Variants in INVS observed in about 807,000 individuals in gnomAD.
INVS encodes the protein inversion of embryo turning homolog.
A neutral mutation model predicts 108.8 loss-of-function variants in INVS; 86 were observed. That is an observed-to-expected ratio of 0.79 (90% CI 0.66 to 0.95). The LOEUF (loss-of-function observed/expected upper bound fraction) is 0.95. Ranked by LOEUF, INVS falls within the 40% of genes least tolerant of loss-of-function variation. The pLI, the probability that INVS is intolerant of heterozygous loss-of-function variation, is 0.00. For synonymous variants in INVS, 455 were observed against 473.5 expected (o/e 0.96, Z 0.51); for missense variants, 1,169 against 1,297.4 (o/e 0.90, Z 1.52).
chr9:100,184,352 G>T lies in INVS; in HGVS notation c.274-41710G>T, dbSNP rs2119083091. ...GTAGTTGTATAAGAGAGAAGTATATGTTGCATGTAACAGAGAGTATATGTT... is the reference window on the plus strand; with the variant it reads ...GTAGTTGTATAAGAGAGAAGTATATTTTGCATGTAACAGAGAGTATATGTT... On this transcript the variant is annotated intron_variant, in intron 3 of 16. Transcript: ENST00000262457. 2.0e-5 allele frequency among the ~76,000 whole-genome samples: 3 copies of T among 152,256 alleles called. No homozygotes were observed. The South Asian group carries it at 6.2e-4, about 32-fold the overall frequency.
intron 3 of INVS, among the ~76,000 whole-genome samples, chr9:100,149,783 T>C (rs895858062): frequency 3.3e-5 from 5 of 152,212 alleles, no homozygotes; most frequent in Non-Finnish European, 7.4e-5. Flanking sequence ...TTCTATCATG[T>C]TTCTAGTATG....
At chr9:100,293,105 T>C (rs1833679340) in intron 14 of INVS, 62 bp downstream of exon 14, 2 of 1,479,226 alleles carry the variant, frequency 1.4e-6, no homozygotes, top group South Asian at 1.1e-5. Context: ...CAACATGACA[T>C]CTGTGCTCTT....
intron 3 of INVS, among the ~76,000 whole-genome samples, chr9:100,146,901 A>G (rs770235723): frequency 4.6e-5 from 7 of 152,218 alleles, no homozygotes; most frequent in East Asian, 1.9e-4. Context: ...GTAGGTGTAC[A>G]TATACTTGTT....
chr9:100,149,631 A>G (rs1828745461), intron 3 of INVS, among the ~76,000 whole-genome samples: 1 of 152,200 alleles, frequency 6.6e-6, no homozygotes, highest in African/African-American at 2.4e-5. Context: ...TAGTATTCCA[A>G]TCAAAACGAG....
intron 8 of INVS, among the ~76,000 whole-genome samples, chr9:100,251,841 C>G (rs914603873): frequency 6.6e-6 from 1 of 152,182 alleles, no homozygotes; most frequent in Admixed American, 6.5e-5. Context: ...ATGGAAGGAA[C>G]AGTAGATTGA....
intron 3 of INVS, among the ~76,000 whole-genome samples, chr9:100,127,437 CTT>C (rs917656414): frequency 1.3e-5 from 2 of 152,048 alleles, no homozygotes; most frequent in African/African-American, 4.8e-5. Context: ...TAGTTAAAGA[CTT>C]ATTCACCTAA....
chr9:100,128,475 A>G (rs1421185654), intron 3 of INVS, among the ~76,000 whole-genome samples: 1 of 152,188 alleles, frequency 6.6e-6, no homozygotes, highest in Non-Finnish European at 1.5e-5. Context: ...CCTGTGTCCA[A>G]TTAAATCTGG....
At chr9:100,145,487 G>A (rs532166599) in intron 3 of INVS, among the ~76,000 whole-genome samples, 33 of 151,960 alleles carry the variant, frequency 2.2e-4, no homozygotes, top group Middle Eastern at 6.8e-3. Context: ...ATAAGAGGTT[G>A]GGGCATGGAA....
chr9:100,297,186 C>T (rs747053402), intron 15 of INVS, 40 bp downstream of exon 15: 68 of 1,456,802 alleles, frequency 4.7e-5, no homozygotes, highest in Middle Eastern at 1.7e-4. Flanking sequence ...CACAAGTACC[C>T]CCAGAGTACC....
chr9:100,205,222 C>G (rs1013242021), intron 3 of INVS, among the ~76,000 whole-genome samples: 1 of 152,086 alleles, frequency 6.6e-6, no homozygotes, highest in African/African-American at 2.4e-5. Context: ...TCTCAACTGC[C>G]TTTGTAAACA....
At chr9:100,282,102 T>C (rs1009216902) in intron 12 of INVS, among the ~76,000 whole-genome samples, 6 of 152,196 alleles carry the variant, frequency 3.9e-5, no homozygotes, top group Non-Finnish European at 7.3e-5. Context: ...GCCCTGCTCA[T>C]CGGTGCTGAT....
At chr9:100,107,364 A>G (rs531376987) in intron 2 of INVS, among the ~76,000 whole-genome samples, 2 of 152,280 alleles carry the variant, frequency 1.3e-5, no homozygotes, top group Admixed American at 1.3e-4. Flanking sequence ...TTCCATGTTC[A>G]CTTGAACTAA....
intron 3 of INVS, among the ~76,000 whole-genome samples, chr9:100,198,489 C>A (rs1244612998): frequency 4.6e-5 from 7 of 150,938 alleles, no homozygotes; most frequent in African/African-American, 1.7e-4. Context: ...CGGGGTTTCT[C>A]CATGTTGGTC....
intron 5 of INVS, among the ~76,000 whole-genome samples, chr9:100,231,807 T>A (rs772991161): frequency 3.3e-5 from 5 of 152,178 alleles, no homozygotes; most frequent in Non-Finnish European, 7.3e-5. Context: ...AATACTGCAA[T>A]AAACATATGT....
chr9:100,250,835 C>T (rs987230181), intron 8 of INVS, among the ~76,000 whole-genome samples: 2 of 152,144 alleles, frequency 1.3e-5, no homozygotes, highest in Non-Finnish European at 2.9e-5. Context: ...TATATAAAGC[C>T]CTTCAAATGT....
chr9:100,298,047 A>G (rs765069507), intron 16 of INVS, 37 bp downstream of exon 16: 1 of 1,614,074 alleles, frequency 6.2e-7, no homozygotes. Context: ...GTGGGGAAGA[A>G]CATGGGGAAG....
intron 3 of INVS, among the ~76,000 whole-genome samples, chr9:100,166,394 A>C (rs1025747658): frequency 6.6e-6 from 1 of 152,124 alleles, no homozygotes; most frequent in African/African-American, 2.4e-5. Context: ...ATGGTGGTAC[A>C]TGCCTGTTGT....
intron 3 of INVS, chr9:100,129,703 A>G: frequency 2.8e-6 from 2 of 713,708 alleles, no homozygotes; most frequent in Non-Finnish European, 5.2e-6. Flanking sequence ...CACAGGCAGG[A>G]TCTAAGAGAC....
rs915450181 is a variant in INVS at position 100,246,467 on chromosome 9, G to T, written c.907-149G>T. 4.7e-6 allele frequency: 3 copies of T among 633,190 alleles called. No homozygotes were observed. In the East Asian group the frequency reaches 8.3e-5, roughly 18 times the overall value. The allele number at this position is 633,190 out of a possible 1,614,324, so 39.2% of individuals were successfully genotyped here. On this transcript the variant is annotated intron_variant, in intron 7 of 16. Coordinates refer to ENST00000262457, the MANE Select transcript of INVS (RefSeq NM_014425.5). ...TATCTTCGATGGAAATTGTAGTTCTGTCATTAATAAAAAGATAATTTAATT... is the reference window on the plus strand; with the variant it reads ...TATCTTCGATGGAAATTGTAGTTCTTTCATTAATAAAAAGATAATTTAATT...
Sources: allele counts gnomAD v4.1 joint callset (sites outside exome capture counted in the v4.1 genomes callset), GRCh38; gene constraint gnomAD v4.1.1; transcripts MANE v1.5; gene names NCBI Gene and HGNC (gene_info 2026-07-23, HGNC 2026-07-21).